FIGLA: variants seen among roughly 807,000 people sequenced by gnomAD.
The protein encoded by FIGLA is folliculogenesis specific bHLH transcription factor.
FIGLA carries 17 observed loss-of-function variants against 21.5 expected under a neutral mutation model. The ratio of observed to expected loss-of-function variants is 0.79; its 90% confidence interval spans 0.54 to 1.19. The LOEUF is 1.19. FIGLA is among the 50% of genes most tolerant of loss of function. The probability of loss-of-function intolerance (pLI) is 0.00; values close to 1 mark genes in which losing one functional copy is unlikely to be tolerated. For missense variants in FIGLA, 282 were observed against 285.0 expected (o/e 0.99, Z 0.08); for synonymous variants, 129 against 117.6 (o/e 1.10, Z -0.63).
intron 3 of FIGLA, among the ~76,000 whole-genome samples, chr2:70,783,860 C>T (rs552166373): frequency 6.6e-6 from 1 of 152,172 alleles, no homozygotes; most frequent in East Asian, 1.9e-4. Flanking sequence ...CGCCACCACG[C>T]CTGATTTTTA....
chr2:70,777,404 A>G, intron 4 of FIGLA, 22 bp from the exon 5 acceptor site: 10 of 1,459,124 alleles, frequency 6.9e-6, no homozygotes, highest in South Asian at 2.9e-5. Context: ...AAAACATTCC[A>G]TTATAAATAG....
intron 3 of FIGLA, among the ~76,000 whole-genome samples, chr2:70,782,646 T>G (rs1388561773): frequency 6.6e-6 from 1 of 152,242 alleles, no homozygotes; most frequent in Admixed American, 6.5e-5. Flanking sequence ...TTGTAAGAAA[T>G]GTACACTGAA....
intron 1 of FIGLA, among the ~76,000 whole-genome samples, chr2:70,790,027 C>T (rs1228404282): frequency 1.4e-4 from 22 of 152,168 alleles, no homozygotes; most frequent in African/African-American, 4.8e-4. Flanking sequence ...CCTGCGCGTC[C>T]CAAGCACCCA....
Position 70,790,441 on chromosome 2 carries a change from C to T in FIGLA, c.198G>A (p.Arg66=). 1 of 1,544,264 alleles carries T rather than the reference C, an allele frequency of 6.5e-7. No individual in the cohort carries two copies. The highest frequency in any genetic ancestry group is 2.0e-5 in the Admixed American group (1 of 50,746). ...GCTCCTTGGCGTTGGCCACACGCCG[C>T]CGCTCCAGCACCAACTGGAGGTTTT... ...STENLQLVLE[R]RRVANAKERE... is the part of the protein sequence containing the mutation. Residue 66 remains arginine, a synonymous_variant, in exon 1 of 5, where the codon CGG becomes CGA. Coordinates refer to ENST00000332372, the MANE Select transcript of FIGLA (RefSeq NM_001004311.3).
intron 3 of FIGLA, among the ~76,000 whole-genome samples, chr2:70,779,915 G>C (rs1553388864): frequency 1.3e-5 from 2 of 152,168 alleles, no homozygotes; most frequent in African/African-American, 4.8e-5. Context: ...TGGCAAGACA[G>C]CGAACAGCCT....
At chr2:70,777,823 G>T (rs1285544253) in intron 3 of FIGLA, among the ~76,000 whole-genome samples, 152 bp from the exon 4 acceptor site, 1 of 152,150 alleles carries the variant, frequency 6.6e-6, no homozygotes, top group African/African-American at 2.4e-5. Context: ...GAAAAATCAA[G>T]AACAGGCACA....
intron 1 of FIGLA, among the ~76,000 whole-genome samples, chr2:70,789,260 C>T (rs1463613841): frequency 3.3e-5 from 5 of 152,062 alleles, no homozygotes; most frequent in Non-Finnish European, 7.4e-5. Flanking sequence ...TTAACTTCTT[C>T]ACTCATTTCT....
intron 1 of FIGLA, among the ~76,000 whole-genome samples, chr2:70,789,095 T>A (rs1234514426): frequency 6.6e-6 from 1 of 152,072 alleles, no homozygotes. Flanking sequence ...TATAAGAAAA[T>A]GCTTTTGATA....
intron 3 of FIGLA, among the ~76,000 whole-genome samples, chr2:70,777,988 A>C (rs1169887163): frequency 1.3e-5 from 2 of 152,366 alleles, no homozygotes; most frequent in African/African-American, 4.8e-5. Context: ...AAGAAAAAAT[A>C]AACCCATGAC....
intron 1 of FIGLA, among the ~76,000 whole-genome samples, chr2:70,790,025 T>C (rs571851170): frequency 6.6e-6 from 1 of 152,244 alleles, no homozygotes; most frequent in Admixed American, 6.5e-5. Flanking sequence ...TCCCTGCGCG[T>C]CCCAAGCACC....
intron 2 of FIGLA, among the ~76,000 whole-genome samples, chr2:70,787,239 A>G (rs2104602020): frequency 6.6e-6 from 1 of 152,324 alleles, no homozygotes; most frequent in East Asian, 1.9e-4. Flanking sequence ...GGGAAAAGAA[A>G]TGCCTCTTCC....
At chr2:70,789,611 C>G (rs982706593) in intron 1 of FIGLA, among the ~76,000 whole-genome samples, 2 of 152,184 alleles carry the variant, frequency 1.3e-5, no homozygotes, top group Non-Finnish European at 2.9e-5. Context: ...CTTCTCTCCC[C>G]AGTCCCAGTC....
intron 3 of FIGLA, among the ~76,000 whole-genome samples, chr2:70,782,658 C>A (rs924141607): frequency 4.3e-4 from 66 of 152,304 alleles, no homozygotes; most frequent in African/African-American, 1.5e-3. Flanking sequence ...TACACTGAAG[C>A]CTTAGGGGTG....
At chr2:70,782,372 C>T (rs782408554) in intron 3 of FIGLA, among the ~76,000 whole-genome samples, 1 of 152,196 alleles carries the variant, frequency 6.6e-6, no homozygotes, top group African/African-American at 2.4e-5. Context: ...TCAAGACACG[C>T]TCTATAAAAC....
chr2:70,782,854 G>T (rs1558597722), intron 3 of FIGLA, among the ~76,000 whole-genome samples: 1 of 152,078 alleles, frequency 6.6e-6, no homozygotes, highest in Non-Finnish European at 1.5e-5. Context: ...AGATCACGAA[G>T]TCAGGAATTT....
intron 1 of FIGLA, 55 bp from the exon 2 acceptor site, chr2:70,787,856 T>TC: frequency 2.5e-6 from 4 of 1,570,194 alleles, no homozygotes; most frequent in Middle Eastern, 1.7e-4. Flanking sequence ...TATAGACATC[T>TC]CCCCAAGCTA....
At chr2:70,787,213 T>C (rs1434221699) in intron 2 of FIGLA, among the ~76,000 whole-genome samples, 6 of 152,230 alleles carry the variant, frequency 3.9e-5, no homozygotes, top group Non-Finnish European at 8.8e-5. Context: ...GGGTCTCTCC[T>C]AAGAGAGGTT....
chr2:70,786,865 C>T (rs1362404573), intron 2 of FIGLA, among the ~76,000 whole-genome samples: 1 of 152,148 alleles, frequency 6.6e-6, no homozygotes, highest in Non-Finnish European at 1.5e-5. Flanking sequence ...CCTCTACCTT[C>T]TTGCCACATT....
intron 1 of FIGLA, among the ~76,000 whole-genome samples, chr2:70,788,959 C>T (rs1179883552): frequency 2.0e-5 from 3 of 152,118 alleles, no homozygotes; most frequent in Non-Finnish European, 2.9e-5. Context: ...TAGAGTTACA[C>T]CGATAGGTAC....
Sources: allele counts gnomAD v4.1 joint callset (sites outside exome capture counted in the v4.1 genomes callset), GRCh38; gene constraint gnomAD v4.1.1; transcripts MANE v1.5; gene names NCBI Gene and HGNC (gene_info 2026-07-23, HGNC 2026-07-21).